Variants in CCDC171 observed in about 807,000 individuals in gnomAD.
CCDC171 encodes coiled-coil domain-containing protein 171.
Under a neutral mutation model 168.2 loss-of-function variants are expected in CCDC171, and 177 were observed. The observed-to-expected ratio is 1.05, with a 90% confidence interval of 0.93 to 1.19. The LOEUF (loss-of-function observed/expected upper bound fraction) is 1.19. CCDC171 is among the 50% of genes most tolerant of loss of function. CCDC171 has a pLI of 0.00. For missense variants in CCDC171, 1,991 were observed against 1,539.0 expected (o/e 1.29, Z -4.91); for synonymous variants, 687 against 540.8 (o/e 1.27, Z -3.75).
At chr9:15,987,732 G>C (rs1832040040) in intron 3 of CCDC171, among the ~76,000 whole-genome samples, 1 of 151,646 alleles carries the variant, frequency 6.6e-6, no homozygotes, top group African/African-American at 2.4e-5. Flanking sequence ...AAGTGCTGGG[G>C]ATGAGAAGTG....
intron 3 of CCDC171, among the ~76,000 whole-genome samples, chr9:15,988,377 C>G (rs751240920): frequency 3.3e-5 from 5 of 152,160 alleles, no homozygotes; most frequent in African/African-American, 4.8e-5. Flanking sequence ...AAAATATTTC[C>G]TCCAGAATCA....
At chr9:15,596,269 T>A (rs1362880995) in intron 6 of CCDC171, among the ~76,000 whole-genome samples, 1 of 152,174 alleles carries the variant, frequency 6.6e-6, no homozygotes, top group Non-Finnish European at 1.5e-5. Context: ...AGGGTTTTTA[T>A]GGTTTCAGGT....
intron 25 of CCDC171, among the ~76,000 whole-genome samples, chr9:15,929,816 C>G (rs1412271041): frequency 6.6e-6 from 1 of 151,670 alleles, no homozygotes; most frequent in African/African-American, 2.4e-5. Flanking sequence ...TTAAAGATTT[C>G]TCATATTCTA....
At chr9:15,897,066 A>G (rs1301008025) in intron 24 of CCDC171, among the ~76,000 whole-genome samples, 1 of 152,072 alleles carries the variant, frequency 6.6e-6, no homozygotes, top group Non-Finnish European at 1.5e-5. Flanking sequence ...CCTTCTATAC[A>G]TATATCCAGC....
At chr9:15,686,492 G>C (rs756177880) in intron 10 of CCDC171, among the ~76,000 whole-genome samples, 2 of 151,642 alleles carry the variant, frequency 1.3e-5, no homozygotes, top group Non-Finnish European at 2.9e-5. Flanking sequence ...TCCAGCTTGG[G>C]CAACAGAGTG....
At chr9:15,848,770 AAAAT>A in intron 22 of CCDC171, 119 bp from the exon 23 acceptor site, 1 of 482,948 alleles carries the variant, frequency 2.1e-6, no homozygotes, top group Non-Finnish European at 3.7e-6. Flanking sequence ...ATAAATTAAA[AAAAT>A]AAAAGGAGAA....
intron 20 of CCDC171, among the ~76,000 whole-genome samples, chr9:15,779,589 A>G (rs2057548724): frequency 6.6e-6 from 1 of 152,038 alleles, no homozygotes; most frequent in African/African-American, 2.4e-5. Flanking sequence ...CGAACTCCTG[A>G]CCTCAGCTGA....
intron 7 of CCDC171, among the ~76,000 whole-genome samples, chr9:15,656,331 A>T (rs560308759): frequency 6.6e-6 from 1 of 152,218 alleles, no homozygotes; most frequent in East Asian, 1.9e-4. Flanking sequence ...CAAAAAAAAA[A>T]AAAAACAAAT....
chr9:16,071,234 G>A, the CCDC171 span, among the ~76,000 whole-genome samples: 28 of 152,174 alleles, frequency 1.8e-4, no homozygotes, highest in African/African-American at 6.5e-4. Flanking sequence ...CTTCAGTCAT[G>A]CTGCTAACCA....
rs142844184 is a variant in CCDC171 at position 15,676,369 on chromosome 9, A to T, written c.1077-2389A>T. On this transcript the variant is annotated intron_variant, in intron 9 of 25. Coordinates refer to ENST00000380701, the MANE Select transcript of CCDC171 (RefSeq NM_173550.4). Reference sequence around the variant, plus strand: ...TGTTATTACCGACCTTCTGAACCCTACTTCTGTCAACTCGTCAAACTCATT... The same window carrying T: ...TGTTATTACCGACCTTCTGAACCCTTCTTCTGTCAACTCGTCAAACTCATT... Among the ~76,000 whole-genome samples the T allele has an allele frequency of 2.6e-5, 4 of 151,912 alleles. No homozygotes were observed. The East Asian group carries it at 7.8e-4, about 29-fold the overall frequency.
At chr9:15,913,804 G>T (rs1824067641) in intron 24 of CCDC171, among the ~76,000 whole-genome samples, 1 of 152,150 alleles carries the variant, frequency 6.6e-6, no homozygotes, top group African/African-American at 2.4e-5. Context: ...TTTGCTGTCG[G>T]TGACCTTCGG....
At chr9:15,894,702 G>C (rs1166851049) in intron 24 of CCDC171, among the ~76,000 whole-genome samples, 3 of 151,884 alleles carry the variant, frequency 2.0e-5, no homozygotes, top group African/African-American at 7.3e-5. Flanking sequence ...CCCTTTACTT[G>C]GTATCCCTTT....
intron 3 of CCDC171, among the ~76,000 whole-genome samples, chr9:15,577,362 C>G (rs1254431262): frequency 1.3e-5 from 2 of 152,132 alleles, no homozygotes; most frequent in African/African-American, 2.4e-5. Context: ...TAAATCAATA[C>G]TGGCATCATA....
Position 15,573,760 on chromosome 9 carries a change from A to G in CCDC171, c.177+2001A>G, listed in dbSNP as rs145572751. Among the ~76,000 whole-genome samples the G allele has an allele frequency of 1.7e-3, 256 of 152,158 alleles. 1 individual carries two copies. The highest frequency in any genetic ancestry group is 3.1e-4 in the Non-Finnish European group (21 of 67,986). ...TTAGTGTGATGATAATCATTACTCT[A>G]TTAAATAAATTCTCTCACAGCCAGG... is the stretch of plus-strand genomic sequence containing the variant. On this transcript the variant is annotated intron_variant, in intron 3 of 25. Coordinates refer to ENST00000380701, the MANE Select transcript of CCDC171 (RefSeq NM_173550.4).
chr9:15,807,988 GT>G (rs1412244054), intron 21 of CCDC171, among the ~76,000 whole-genome samples: 6 of 151,666 alleles, frequency 4.0e-5, no homozygotes, highest in African/African-American at 1.5e-4. Flanking sequence ...GAAAACAGTT[GT>G]TTTACATATT....
intron 7 of CCDC171, among the ~76,000 whole-genome samples, chr9:15,624,653 T>G (rs1187381761): frequency 1.3e-5 from 2 of 152,226 alleles, no homozygotes; most frequent in East Asian, 3.9e-4. Flanking sequence ...CATCATTTTT[T>G]ATGGCTGCAT....
chr9:15,965,277 A>G (rs1198356408), intron 25 of CCDC171, among the ~76,000 whole-genome samples: 1 of 152,216 alleles, frequency 6.6e-6, no homozygotes, highest in Non-Finnish European at 1.5e-5. Flanking sequence ...AGCCTCTAGC[A>G]CAATCTATGT....
Position 15,945,662 on chromosome 9 carries a change from G to C in CCDC171, c.3753+25240G>C, listed in dbSNP as rs4564000. Among the ~76,000 whole-genome samples, 3 of 145,760 alleles carry C rather than the reference G, an allele frequency of 2.1e-5. No homozygotes were observed. The Admixed American group carries it at 2.1e-4, about 10-fold the overall frequency. On this transcript the variant is annotated intron_variant, in intron 25 of 25. Coordinates refer to ENST00000380701, the MANE Select transcript of CCDC171 (RefSeq NM_173550.4). ...TGAGCATTTTTTCATGTGTTTTTTG[G>C]CTGCATAAATGTCTTCTTTTGAGTA...
At chr9:15,702,870 C>G (rs766830945) in intron 11 of CCDC171, among the ~76,000 whole-genome samples, 9 of 151,578 alleles carry the variant, frequency 5.9e-5, no homozygotes, top group Admixed American at 5.9e-4. Flanking sequence ...CCTCTCTCAG[C>G]CTTCATCAAA....
Sources: allele counts gnomAD v4.1 joint callset (sites outside exome capture counted in the v4.1 genomes callset), GRCh38; gene constraint gnomAD v4.1.1; transcripts MANE v1.5; gene names NCBI Gene and HGNC (gene_info 2026-07-23, HGNC 2026-07-21).